Variants in PTCD1 observed in about 807,000 individuals in gnomAD.
PTCD1 encodes pentatricopeptide repeat-containing protein 1, mitochondrial.
In PTCD1, 50 loss-of-function variants were observed where a neutral mutation model predicts 53.4. The observed-to-expected ratio is 0.94, with a 90% CI of 0.75 to 1.19. The LOEUF is 1.19. PTCD1 is among the 50% of genes most tolerant of loss of function. The pLI, the probability that PTCD1 is intolerant of heterozygous loss-of-function variation, is 0.00. For synonymous variants in PTCD1, 413 were observed against 394.8 expected, an observed-to-expected ratio of 1.05 and a Z score of -0.55; for missense variants, 918 against 904.8, an observed-to-expected ratio of 1.01 and a Z score of -0.19.
At chr7:99,429,050 G>T in intron 5 of PTCD1, 53 bp downstream of exon 5, 1 of 1,599,982 alleles carries the variant, frequency 6.3e-7, no homozygotes, top group South Asian at 1.1e-5. Flanking sequence ...TCACCATTTT[G>T]CACCTCTGGC....
At chr7:99,421,176 A>G (rs139042286) in intron 7 of PTCD1, among the ~76,000 whole-genome samples, 14 of 152,130 alleles carry the variant, frequency 9.2e-5, no homozygotes, top group African/African-American at 3.4e-4. Flanking sequence ...GTGCTGGCTC[A>G]CTCCTATAAT....
rs750459432 is a variant in PTCD1 at position 99,423,842 on chromosome 7, AC to A, written c.1852del (p.Val618SerfsTer3). The stretch of plus-strand genomic sequence containing the variant: ...GCGGATGACCACTTCGTTCACCGGG[AC>A]CCTGTTCTGCTTCATGTCCTTCAAG... ...SILKDMKQNRVPVNEVVIRQL... is the reference protein window; with the variant it reads ...SILKDMKQNRXPVNEVVIRQL... On this transcript the variant is annotated frameshift_variant, in exon 7 of 8. Coordinates refer to ENST00000292478, the MANE Select transcript of PTCD1 (RefSeq NM_015545.4). LOFTEE classifies it high-confidence loss of function. The A allele has an allele frequency of 6.2e-7, 1 of 1,614,006 alleles. No homozygotes were observed. Among genetic ancestry groups the A allele is most frequent in the Non-Finnish European group, 8.5e-7 (1 of 1,180,022 alleles).
In PTCD1 at chr7:99,419,799, G is replaced by A. The variant is rs1047471982; in HGVS notation, c.*168C>T. The A allele has an allele frequency of 8.6e-7, 1 of 1,164,436 alleles. No homozygotes were observed. The highest frequency in any genetic ancestry group is 1.2e-6 in the Non-Finnish European group (1 of 832,040). 72.1% of individuals were successfully genotyped at this position (1,164,436 alleles called of 1,614,324 possible). On this transcript the variant is annotated 3_prime_UTR_variant, in exon 8 of 8. Transcript: ENST00000292478. ...GGAGCTGCACTTGGACCTGCTGGGA[G>A]CACAGGCACCTTGGGCCTAGTGTGT... is the stretch of plus-strand genomic sequence containing the variant.
In PTCD1 at chr7:99,434,949, G is replaced by A; in HGVS notation, c.294C>T (p.Ser98=). Residue 98 remains serine (S), a synonymous_variant, in exon 2 of 8, where the codon TCC becomes TCT. Coordinates refer to ENST00000292478, the MANE Select transcript of PTCD1 (RefSeq NM_015545.4). The part of the protein sequence containing the change: ...SFGTLSDKYS[S]RRLFRKSAAQ... ...CTGCGGATTTGCGGAATAGTCTCCG[G>A]GAGGAGTATTTGTCAGAGAGGGTCC... The A allele has an allele frequency of 1.2e-6, 2 of 1,614,210 alleles. No individual in the cohort carries two copies. The highest frequency in any genetic ancestry group is 8.5e-7 in the Non-Finnish European group (1 of 1,180,054).
intron 2 of PTCD1, 99 bp from the exon 3 acceptor site, chr7:99,433,517 G>A: frequency 6.3e-7 from 1 of 1,599,740 alleles, no homozygotes; most frequent in Non-Finnish European, 8.5e-7. Flanking sequence ...TAAAATGGTG[G>A]AGAACGGCGG....
intron 6 of PTCD1, 114 bp downstream of exon 6, chr7:99,424,681 T>A (rs1795949000): frequency 7.2e-7 from 1 of 1,395,536 alleles, no homozygotes; most frequent in African/African-American, 1.4e-5. Flanking sequence ...CTTTGCCCCA[T>A]GCACAGTTCA....
intron 3 of PTCD1, among the ~76,000 whole-genome samples, chr7:99,432,770 G>T (rs1263862331): frequency 6.6e-6 from 1 of 152,236 alleles, no homozygotes; most frequent in African/African-American, 2.4e-5. Flanking sequence ...GCCCCCTTCA[G>T]AGGAGCAGAT....
At chr7:99,420,665 C>G (rs1447698262) in intron 7 of PTCD1, among the ~76,000 whole-genome samples, 2 of 152,210 alleles carry the variant, frequency 1.3e-5, no homozygotes, top group African/African-American at 4.8e-5. Context: ...CACACAATGA[C>G]AAAAGGTTTG....
In PTCD1 at chr7:99,421,580, T is replaced by TAA. The variant is rs1255958525; in HGVS notation, c.1921-1433_1921-1432dup. 5.3e-3 allele frequency among the ~76,000 whole-genome samples: 668 copies of TAA among 126,624 alleles called. 10 individuals carry two copies. The highest frequency in any genetic ancestry group is 0.02 in the Middle Eastern group (5 of 250). The allele number at this position is 126,624 out of a possible 152,430, so 83.1% of individuals were successfully genotyped here. On this transcript the variant is annotated intron_variant, in intron 7 of 7. Coordinates refer to ENST00000292478, the MANE Select transcript of PTCD1 (RefSeq NM_015545.4). ...CAAGATGGTGAAACCCCGTCTCTAC[T>TAA]AAAAAAAAAAAAAAAACCACAAAAA...
In PTCD1 at chr7:99,423,847, G is replaced by A; in HGVS notation, c.1848C>T (p.Asn616=). Residue 616 remains asparagine (N), a synonymous_variant, in exon 7 of 8, where the codon AAC becomes AAT. Transcript: ENST00000292478. ...TGACCACTTCGTTCACCGGGACCCT[G>A]TTCTGCTTCATGTCCTTCAAGATGC... ...LISILKDMKQ[N]RVPVNEVVIR... 3 of 1,614,214 alleles carry A rather than the reference G, an allele frequency of 1.9e-6. No individual in the cohort carries two copies. Among genetic ancestry groups the A allele is most frequent in the East Asian group, 2.2e-5 (1 of 44,882 alleles).
Position 99,427,379 on chromosome 7 carries a change from G to A in PTCD1, c.915+1724C>T, listed in dbSNP as rs865952985. ...GGGGGGTCAGCCCCCCGCCCGGCCA[G>A]CCGCCCCGTCCGGGAGGTGAGGGGC... On this transcript the variant is annotated intron_variant, in intron 5 of 7. Transcript: ENST00000292478. Among the ~76,000 whole-genome samples the A allele has an allele frequency of 3.0e-3, 454 of 149,322 alleles. 1 individual carries two copies. The highest frequency in any genetic ancestry group is 0.01 in the African/African-American group (410 of 40,486).
chr7:99,433,095 G>C, intron 3 of PTCD1, 183 bp downstream of exon 3: 1 of 899,676 alleles, frequency 1.1e-6, no homozygotes, highest in African/African-American at 1.6e-5. Context: ...GTCCAGGCAG[G>C]TGCTAAAGGG....
Position 99,417,778 on chromosome 7 carries a change from G to T in PTCD1, c.*2189C>A. On this transcript the variant is annotated 3_prime_UTR_variant, in exon 8 of 8. Coordinates refer to ENST00000292478, the MANE Select transcript of PTCD1 (RefSeq NM_015545.4). Reference sequence around the variant, plus strand: ...AATCCATGTGAGGCAGCGTGTGGCTGTGTGTTTGTTAGGTCTGGGGTCAAT... The same window carrying T: ...AATCCATGTGAGGCAGCGTGTGGCTTTGTGTTTGTTAGGTCTGGGGTCAAT... The T allele has an allele frequency of 6.5e-7, 1 of 1,530,280 alleles. No individual in the cohort carries two copies. The highest frequency in any genetic ancestry group is 8.7e-7 in the Non-Finnish European group (1 of 1,144,058). 94.8% of individuals were successfully genotyped at this position (1,530,280 alleles called of 1,614,324 possible).
At chr7:99,424,707 G>C in intron 6 of PTCD1, 88 bp downstream of exon 6, 1 of 1,518,638 alleles carries the variant, frequency 6.6e-7, no homozygotes, top group East Asian at 2.4e-5. Flanking sequence ...TCCAGGTGGG[G>C]GGTCTGCAGA....
rs756540627 is a variant in PTCD1, at chr7:99,417,550, C to T, written c.*2417G>A. On this transcript the variant is annotated 3_prime_UTR_variant, in exon 8 of 8. Transcript: ENST00000292478. ...GCATTCAGACACGGGACACCAACTT[C>T]GGGACGAACTGCATCTGCCGCGTGC... is the stretch of plus-strand genomic sequence containing the variant. The T allele has an allele frequency of 2.9e-5, 46 of 1,611,954 alleles. No individual in the cohort carries two copies. Among genetic ancestry groups the T allele is most frequent in the Non-Finnish European group, 3.5e-5 (41 of 1,178,640 alleles).
At chr7:99,434,526 A>T (rs2150960897) in intron 2 of PTCD1, among the ~76,000 whole-genome samples, 1 of 149,374 alleles carries the variant, frequency 6.7e-6, no homozygotes, top group South Asian at 2.1e-4. Context: ...TTTTTGAGAC[A>T]GACTCTTGTT....
At chr7:99,426,340 C>T (rs2150951456) in intron 5 of PTCD1, among the ~76,000 whole-genome samples, 1 of 152,338 alleles carries the variant, frequency 6.6e-6, no homozygotes, top group South Asian at 2.1e-4. Flanking sequence ...CAGGCGCGCG[C>T]CACCACGCCT....
intron 5 of PTCD1, among the ~76,000 whole-genome samples, chr7:99,426,361 T>C (rs1365523774): frequency 3.3e-5 from 5 of 152,188 alleles, no homozygotes; most frequent in Admixed American, 2.6e-4. Context: ...GACTGGTTTT[T>C]GTATTATTTT....
At chr7:99,428,974 G>A (rs1285328259) in intron 5 of PTCD1, 129 bp downstream of exon 5, 3 of 1,153,110 alleles carry the variant, frequency 2.6e-6, no homozygotes, top group Non-Finnish European at 3.8e-6. Context: ...AGTGGCTGCT[G>A]GGTTTTCAGA....
Sources: gnomAD v4.1 joint callset for allele counts (sites outside exome capture counted in the v4.1 genomes callset) on GRCh38, gnomAD v4.1.1 for gene constraint, MANE v1.5 for transcripts, NCBI Gene and HGNC (gene_info 2026-07-23, HGNC 2026-07-21) for gene names.